ARHGAP22: variants seen among roughly 807,000 people sequenced by gnomAD.
The protein encoded by ARHGAP22 is Rho GTPase activating protein 22.
Under a neutral mutation model 59.1 loss-of-function variants are expected in ARHGAP22, and 48 were observed. The observed-to-expected ratio is 0.81, with a 90% CI of 0.64 to 1.03. The LOEUF (loss-of-function observed/expected upper bound fraction) is 1.03. ARHGAP22 is among the 50% of genes least tolerant of loss of function. The pLI is 0.00. For synonymous variants in ARHGAP22, 445 were observed against 416.4 expected, an observed-to-expected ratio of 1.07 and a Z score of -0.84; for missense variants, 1,015 against 958.7, an observed-to-expected ratio of 1.06 and a Z score of -0.78.
intron 1 of ARHGAP22, among the ~76,000 whole-genome samples, chr10:48,636,430 C>A (rs1296736523): frequency 6.6e-6 from 1 of 152,156 alleles, no homozygotes; most frequent in Non-Finnish European, 1.5e-5. Flanking sequence ...CCAGGAATGT[C>A]TGCTTGAGTC....
chr10:48,492,441 T>C (rs191986767), intron 3 of ARHGAP22, among the ~76,000 whole-genome samples: 1 of 152,322 alleles, frequency 6.6e-6, no homozygotes, highest in East Asian at 1.9e-4. Context: ...AGCAGTGTGA[T>C]CCAACAGAGA....
At chr10:48,634,026 T>G (rs1452445706) in intron 1 of ARHGAP22, among the ~76,000 whole-genome samples, 1 of 152,170 alleles carries the variant, frequency 6.6e-6, no homozygotes, top group Non-Finnish European at 1.5e-5. Context: ...CTCCCACGCT[T>G]GTTTCTATGA....
At chr10:48,601,235 C>G (rs897828077) in intron 1 of ARHGAP22, among the ~76,000 whole-genome samples, 9 of 152,154 alleles carry the variant, frequency 5.9e-5, no homozygotes, top group Admixed American at 4.6e-4. Flanking sequence ...TCCCAGGAGG[C>G]CTGCTAACCC....
intron 1 of ARHGAP22, among the ~76,000 whole-genome samples, chr10:48,646,106 T>G (rs1037578668): frequency 2.0e-5 from 3 of 152,066 alleles, no homozygotes; most frequent in Non-Finnish European, 4.4e-5. Flanking sequence ...CACAATAATA[T>G]CAAAAAGAAT....
chr10:48,589,845 A>G (rs190329896), intron 1 of ARHGAP22, among the ~76,000 whole-genome samples: 16 of 152,242 alleles, frequency 1.1e-4, no homozygotes, highest in Admixed American at 8.5e-4. Context: ...TCCTACACAC[A>G]GTTCTAAAAA....
chr10:48,491,279 G>A (rs1049825417), intron 3 of ARHGAP22, among the ~76,000 whole-genome samples: 6 of 152,148 alleles, frequency 3.9e-5, no homozygotes, highest in African/African-American at 7.2e-5. Context: ...CCTGCTTCAC[G>A]GTTTTTGGAC....
chr10:48,648,848 C>T (rs953157921), intron 1 of ARHGAP22, among the ~76,000 whole-genome samples: 3 of 152,038 alleles, frequency 2.0e-5, no homozygotes, highest in South Asian at 2.1e-4. Flanking sequence ...GGCAGGCAGC[C>T]GACAGAGGTA....
chr10:48,450,183 G>T, intron 9 of ARHGAP22, 78 bp downstream of exon 9: 1 of 1,531,982 alleles, frequency 6.5e-7, no homozygotes, highest in East Asian at 2.4e-5. Context: ...GTTAGGGGCC[G>T]ACGCCCATGT....
chr10:48,655,198 G>T (rs1414019887), upstream of ARHGAP22, among the ~76,000 whole-genome samples: 1 of 139,616 alleles, frequency 7.2e-6, no homozygotes, highest in Admixed American at 7.4e-5. Context: ...CCCGGGGAAG[G>T]TCCCTTCTCC....
chr10:48,455,215 G>A, intron 5 of ARHGAP22, 81 bp from the exon 6 acceptor site: 4 of 1,444,276 alleles, frequency 2.8e-6, no homozygotes, highest in Non-Finnish European at 3.7e-6. Context: ...CTGACGCCAA[G>A]GGGCAGCCTC....
intron 1 of ARHGAP22, among the ~76,000 whole-genome samples, chr10:48,639,667 G>A (rs1429855539): frequency 1.3e-5 from 2 of 152,200 alleles, no homozygotes; most frequent in Non-Finnish European, 2.9e-5. Flanking sequence ...TTCTGTGAGG[G>A]AGACAGATTT....
At chr10:48,493,569 A>C in intron 3 of ARHGAP22, 5 of 1,514,238 alleles carry the variant, frequency 3.3e-6, no homozygotes, top group Non-Finnish European at 4.4e-6. Flanking sequence ...CACCAGGTGC[A>C]CGAGGCACTC....
intron 3 of ARHGAP22, chr10:48,493,593 C>T: frequency 6.7e-7 from 1 of 1,482,672 alleles, no homozygotes; most frequent in East Asian, 2.5e-5. Context: ...CACTGCAGGG[C>T]TGCGGCCACT....
rs2045805164 is a variant in ARHGAP22, at chr10:48,450,444, T to C, written c.1685A>G (p.Lys562Arg). The C allele has an allele frequency of 6.4e-7, 1 of 1,557,316 alleles. No individual in the cohort carries two copies. The highest frequency in any genetic ancestry group is 1.4e-5 in the African/African-American group (1 of 73,440). The change falls in exon 9 of 10, where the codon AAG becomes AGG. Residue 562 changes from lysine (K) to arginine (R), a missense_variant. Transcript: ENST00000249601. Reference sequence around the variant, plus strand: ...CATGCTGTGGTCCAGGTCCAGGGACTTGGGGTCCTCGCTGCTGCTGGGGAG... The same window carrying C: ...CATGCTGTGGTCCAGGTCCAGGGACCTGGGGTCCTCGCTGCTGCTGGGGAG... ...SPLPSSSEDP[K>R]SLDLDHSMDE... is the part of the protein sequence containing the mutation.
chr10:48,607,382 G>A (rs966701041), upstream of ARHGAP22, among the ~76,000 whole-genome samples: 5 of 152,222 alleles, frequency 3.3e-5, no homozygotes, highest in Admixed American at 1.3e-4. Context: ...AAGGCTGGGG[G>A]AATGGGGCAG....
chr10:48,550,669 G>A (rs993557740), intron 3 of ARHGAP22, among the ~76,000 whole-genome samples: 1 of 152,208 alleles, frequency 6.6e-6, no homozygotes, highest in African/African-American at 2.4e-5. Context: ...CCAATCACAA[G>A]TGTTCATTTT....
chr10:48,583,177 G>A (rs371292969), intron 1 of ARHGAP22, 25 bp from the exon 2 acceptor site: 239 of 1,604,148 alleles, frequency 1.5e-4, no homozygotes, highest in Non-Finnish European at 2.0e-4. Flanking sequence ...CACACAGAGT[G>A]AGCATGAAGG....
intron 1 of ARHGAP22, among the ~76,000 whole-genome samples, chr10:48,634,912 T>C (rs1391572041): frequency 6.6e-6 from 1 of 152,148 alleles, no homozygotes; most frequent in Non-Finnish European, 1.5e-5. Context: ...ATACCAACTG[T>C]GTGAAGACAC....
chr10:48,468,530 T>C (rs2133926172), intron 4 of ARHGAP22, among the ~76,000 whole-genome samples: 1 of 152,334 alleles, frequency 6.6e-6, no homozygotes, highest in East Asian at 1.9e-4. Context: ...AAACCAGTCC[T>C]GCTGACATCT....
Sources: allele counts gnomAD v4.1 joint callset (sites outside exome capture counted in the v4.1 genomes callset), GRCh38; gene constraint gnomAD v4.1.1; transcripts MANE v1.5; gene names NCBI Gene and HGNC (gene_info 2026-07-23, HGNC 2026-07-21).